Variants in TRIP12 observed in about 807,000 individuals in gnomAD.
TRIP12 encodes thyroid hormone receptor interactor 12, also known as E3 ubiquitin-protein ligase TRIP12.
Under a neutral mutation model 244.2 loss-of-function variants are expected in TRIP12, and 25 were observed. The ratio of observed to expected loss-of-function variants is 0.10; its 90% CI spans 0.07 to 0.14. TRIP12 has a LOEUF of 0.14. Ranked by LOEUF, TRIP12 falls within the 10% of genes least tolerant of loss-of-function variation. The pLI is 1.00. For synonymous variants in TRIP12, 905 were observed against 873.1 expected (o/e 1.04, Z -0.64); for missense variants, 1,677 against 2,486.4 (o/e 0.67, Z 6.92).
In TRIP12 at chr2:229,767,520, C is replaced by A; in HGVS notation, c.*34G>T. Reference sequence around the variant, plus strand: ...AAGAAATCATGATTTGTTTCTTTTGCTGTAACAGGCAGACACTGCATTTCT... The same window carrying A: ...AAGAAATCATGATTTGTTTCTTTTGATGTAACAGGCAGACACTGCATTTCT... On this transcript the variant is annotated 3_prime_UTR_variant, in exon 42 of 42. Coordinates refer to ENST00000675903, the MANE Select transcript of TRIP12 (RefSeq NM_001348323.3). The A allele has an allele frequency of 6.5e-7, 1 of 1,545,070 alleles. No individual in the cohort carries two copies. Among genetic ancestry groups the A allele is most frequent in the Non-Finnish European group, 8.7e-7 (1 of 1,145,558 alleles).
At chr2:229,770,033 T>G (rs2033626067) in intron 39 of TRIP12, among the ~76,000 whole-genome samples, 2 of 152,188 alleles carry the variant, frequency 1.3e-5, no homozygotes, top group Non-Finnish European at 2.9e-5. Context: ...TGTAGTGGCC[T>G]AATCACAGCT....
intron 1 of TRIP12, among the ~76,000 whole-genome samples, chr2:229,890,628 G>A (rs753047503): frequency 3.9e-5 from 6 of 152,010 alleles, no homozygotes; most frequent in South Asian, 2.1e-4. Context: ...ACTCAAAGTC[G>A]GGGAGAAAAT....
intron 12 of TRIP12, 70 bp from the exon 13 acceptor site, chr2:229,814,101 A>C: frequency 1.3e-6 from 2 of 1,517,760 alleles, no homozygotes; most frequent in Non-Finnish European, 1.8e-6. Context: ...TTAACTCATA[A>C]AAAGTCTAGC....
chr2:229,919,206 G>A (rs1208062238), intron 1 of TRIP12, among the ~76,000 whole-genome samples: 2 of 152,018 alleles, frequency 1.3e-5, no homozygotes, highest in African/African-American at 2.4e-5. Context: ...CTGAGAGGTC[G>A]GGAGTTCGAG....
chr2:229,823,639 G>T (rs951346990), intron 8 of TRIP12, among the ~76,000 whole-genome samples: 1 of 150,904 alleles, frequency 6.6e-6, no homozygotes, highest in African/African-American at 2.4e-5. Flanking sequence ...TCGCGCCACT[G>T]CACTCCAACC....
intron 6 of TRIP12, 52 bp from the exon 7 acceptor site, chr2:229,830,891 T>C (rs1275864270): frequency 9.5e-6 from 15 of 1,577,160 alleles, no homozygotes; most frequent in Non-Finnish European, 1.2e-5. Flanking sequence ...AAACACATTA[T>C]GTCTGGCTTA....
chr2:229,802,784 A>ATGTTTTT (rs2154269643), intron 20 of TRIP12, among the ~76,000 whole-genome samples: 1 of 152,336 alleles, frequency 6.6e-6, no homozygotes, highest in African/African-American at 2.4e-5. Flanking sequence ...CAACTACAGA[A>ATGTTTTT]ATACAGTGCA....
chr2:229,848,305 T>C (rs2057987154), intron 4 of TRIP12, among the ~76,000 whole-genome samples: 1 of 147,206 alleles, frequency 6.8e-6, no homozygotes, highest in African/African-American at 2.5e-5. Flanking sequence ...ACAAAACCAA[T>C]CCAAAATGCA....
intron 13 of TRIP12, among the ~76,000 whole-genome samples, chr2:229,813,242 CT>C (rs2047705305): frequency 6.6e-6 from 1 of 152,196 alleles, no homozygotes; most frequent in African/African-American, 2.4e-5. Context: ...AAAGAGTAAT[CT>C]TTTCAGAAGG....
Position 229,805,891 on chromosome 2 carries a change from CAA to C in TRIP12, c.2497-10_2497-9del. ...ACCGACCTGATGGGCTGCCTGAGAG[CAA>C]AGAGAGAGAAACTTTGAATATAAAC... On this transcript the variant is annotated splice_polypyrimidine_tract_variant and intron_variant, in intron 17 of 41. Transcript: ENST00000675903. The C allele has an allele frequency of 6.6e-7, 1 of 1,525,428 alleles. No homozygotes were observed. Among genetic ancestry groups the C allele is most frequent in the Non-Finnish European group, 8.9e-7 (1 of 1,120,332 alleles). The allele number at this position is 1,525,428 out of a possible 1,614,324, so 94.5% of individuals were successfully genotyped here.
intron 33 of TRIP12, 78 bp downstream of exon 33, chr2:229,787,427 T>A: frequency 6.8e-7 from 1 of 1,474,618 alleles, no homozygotes; most frequent in Non-Finnish European, 9.1e-7. Flanking sequence ...ACATGCATAT[T>A]TAGATATACT....
chr2:229,899,050 T>C (rs1234706368), intron 1 of TRIP12, among the ~76,000 whole-genome samples: 1 of 152,110 alleles, frequency 6.6e-6, no homozygotes, highest in Non-Finnish European at 1.5e-5. Flanking sequence ...CTTTTCCCAT[T>C]CCTTATTGAA....
chr2:229,773,940 A>C, intron 38 of TRIP12, 157 bp downstream of exon 38: 1 of 662,296 alleles, frequency 1.5e-6, no homozygotes, highest in Admixed American at 2.7e-5. Flanking sequence ...ACTCAAGAGC[A>C]AAGAGAAGCT....
intron 24 of TRIP12, 115 bp from the exon 25 acceptor site, chr2:229,796,897 G>T: frequency 1.1e-6 from 1 of 875,052 alleles, no homozygotes; most frequent in Non-Finnish European, 1.7e-6. Flanking sequence ...AAAAAAGAGG[G>T]CAGGGGAGTG....
intron 24 of TRIP12, 112 bp from the exon 25 acceptor site, chr2:229,796,894 A>T: frequency 1.1e-6 from 1 of 902,866 alleles, no homozygotes; most frequent in Non-Finnish European, 1.6e-6. Context: ...CTTAAAAAAG[A>T]GGGCAGGGGA....
chr2:229,876,838 T>C (rs2063681807), intron 2 of TRIP12, among the ~76,000 whole-genome samples: 1 of 152,066 alleles, frequency 6.6e-6, no homozygotes, highest in Non-Finnish European at 1.5e-5. Context: ...TAATTTATTT[T>C]TTGTAGAAAC....
chr2:229,880,124 A>G lies in TRIP12; in HGVS notation c.-45T>C, dbSNP rs775464504. The G allele has an allele frequency of 6.6e-7, 1 of 1,521,360 alleles. No homozygotes were observed. Among genetic ancestry groups the G allele is most frequent in the Admixed American group, 2.0e-5 (1 of 49,638 alleles). 94.2% of individuals were successfully genotyped at this position (1,521,360 alleles called of 1,614,324 possible). A position where few individuals can be genotyped will look rare whatever the true frequency, so the allele number is the denominator to read the frequency against. On this transcript the variant is annotated 5_prime_UTR_variant, in exon 2 of 42. It removes an upstream start codon present in the reference 5' UTR. Coordinates refer to ENST00000675903, the MANE Select transcript of TRIP12 (RefSeq NM_001348323.3). ...GGACATACCCTTTCTAGACACTACC[A>G]TTCACTAAAAGAAAAAAAAATAAAC...
In TRIP12 at chr2:229,908,436, T is replaced by C. The variant is rs573697660; in HGVS notation, c.-50+13444A>G. On this transcript the variant is annotated intron_variant, in intron 1 of 41. Coordinates refer to ENST00000675903, the MANE Select transcript of TRIP12 (RefSeq NM_001348323.3). ...CATCTTATGAAGCATCCGCGTAACG[T>C]CTCACAATTCAGTTTAAGAGATTTT... Among the ~76,000 whole-genome samples the C allele has an allele frequency of 6.9e-4, 105 of 152,302 alleles. 1 individual carries two copies. Among genetic ancestry groups the C allele is most frequent in the South Asian group, 1.2e-3 (6 of 4,830 alleles).
intron 9 of TRIP12, 130 bp from the exon 10 acceptor site, chr2:229,815,438 CTT>C (rs1296250495): frequency 1.7e-6 from 1 of 596,630 alleles, no homozygotes; most frequent in African/African-American, 1.9e-5. Flanking sequence ...ACAAAAATAA[CTT>C]TAAGATAAAA....
Sources: allele counts gnomAD v4.1 joint callset (sites outside exome capture counted in the v4.1 genomes callset), GRCh38; gene constraint gnomAD v4.1.1; transcripts MANE v1.5; gene names NCBI Gene and HGNC (gene_info 2026-07-23, HGNC 2026-07-21).